The following GPR158 variants were observed in gnomAD, a reference collection of about 807,000 sequenced individuals.
GPR158 encodes G protein-coupled receptor 158, also known as metabotropic glycine receptor.
GPR158 carries 30 observed loss-of-function variants against 78.2 expected under a neutral mutation model. The ratio of observed to expected loss-of-function variants is 0.38; its 90% CI spans 0.29 to 0.52. GPR158 has a LOEUF of 0.52. GPR158 is among the 20% of genes least tolerant of loss of function. The probability of loss-of-function intolerance (pLI) is 0.83; values close to 1 mark genes in which losing one functional copy is unlikely to be tolerated. For missense variants in GPR158, 1,463 were observed against 1,523.5 expected (o/e 0.96, Z 0.66); for synonymous variants, 581 against 591.1 (o/e 0.98, Z 0.25).
chr10:25,319,338 C>T (rs535090799), intron 2 of GPR158, among the ~76,000 whole-genome samples: 1 of 152,264 alleles, frequency 6.6e-6, no homozygotes, highest in South Asian at 2.1e-4. Context: ...AGAGGCCTGA[C>T]CCACTAGACT....
chr10:25,268,984 T>A (rs1854080465), intron 2 of GPR158, among the ~76,000 whole-genome samples: 1 of 152,224 alleles, frequency 6.6e-6, no homozygotes, highest in Non-Finnish European at 1.5e-5. Context: ...AAGCAATTAC[T>A]TGTGCCTTTA....
chr10:25,302,803 T>C (rs1407209315), intron 2 of GPR158, among the ~76,000 whole-genome samples: 2 of 152,188 alleles, frequency 1.3e-5, no homozygotes, highest in African/African-American at 4.8e-5. Flanking sequence ...GAGCTGTCTC[T>C]TATGGTAGCT....
At chr10:25,369,410 C>T (rs1483771696) in intron 2 of GPR158, among the ~76,000 whole-genome samples, 1 of 149,632 alleles carries the variant, frequency 6.7e-6, no homozygotes, top group African/African-American at 2.5e-5. Flanking sequence ...GCTTTTTCTG[C>T]ATCTATTGAG....
intron 3 of GPR158, among the ~76,000 whole-genome samples, chr10:25,403,580 G>C (rs1205755479): frequency 6.6e-6 from 1 of 152,076 alleles, no homozygotes; most frequent in East Asian, 1.9e-4. Context: ...TTGGCATTCT[G>C]TGCATGGAGG....
intron 4 of GPR158, among the ~76,000 whole-genome samples, chr10:25,427,065 T>G (rs1180546099): frequency 6.6e-6 from 1 of 152,122 alleles, no homozygotes; most frequent in Non-Finnish European, 1.5e-5. Flanking sequence ...GCACTAACTT[T>G]GTCTTTTTGT....
Position 25,417,003 on chromosome 10 carries a change from G to C in GPR158, c.1335+4530G>C, listed in dbSNP as rs76074574. Among the ~76,000 whole-genome samples the C allele has an allele frequency of 1.8e-3, 276 of 152,102 alleles. 2 individuals are homozygous for C. In the East Asian group the frequency reaches 0.029, roughly 16 times the overall value. On this transcript the variant is annotated intron_variant, in intron 4 of 10. Coordinates refer to ENST00000376351, the MANE Select transcript of GPR158 (RefSeq NM_020752.3). ...TGCCAGCAGGAAGGGCTTTCCTGGAGTTTTCTAGTAGCAGTGCAAATGGGA... is the reference window on the plus strand; with the variant it reads ...TGCCAGCAGGAAGGGCTTTCCTGGACTTTTCTAGTAGCAGTGCAAATGGGA...
At chr10:25,258,332 C>T (rs991896917) in intron 2 of GPR158, among the ~76,000 whole-genome samples, 4 of 152,302 alleles carry the variant, frequency 2.6e-5, no homozygotes, top group South Asian at 2.1e-4. Flanking sequence ...CATAAATAAT[C>T]TGACATATTC....
chr10:25,457,285 C>T (rs975343182), intron 4 of GPR158, among the ~76,000 whole-genome samples: 3 of 151,534 alleles, frequency 2.0e-5, no homozygotes, highest in East Asian at 1.9e-4. Flanking sequence ...TGAGCCACTG[C>T]GTCTGGCCTG....
In GPR158 at chr10:25,549,120, T is replaced by C. The variant is rs150608019; in HGVS notation, c.1405-1856T>C. 6.2e-4 allele frequency among the ~76,000 whole-genome samples: 94 copies of C among 152,300 alleles called. 1 individual carries two copies. In the East Asian group the frequency reaches 0.013, roughly 20 times the overall value. ...TGTTTCAGAAGAATTTCTATGGCCATTTCTAGTGGAAATATTTGAGATTTT... is the reference window on the plus strand; with the variant it reads ...TGTTTCAGAAGAATTTCTATGGCCACTTCTAGTGGAAATATTTGAGATTTT... On this transcript the variant is annotated intron_variant, in intron 5 of 10. Coordinates refer to ENST00000376351, the MANE Select transcript of GPR158 (RefSeq NM_020752.3).
At chr10:25,428,950 G>T (rs960448826) in intron 4 of GPR158, among the ~76,000 whole-genome samples, 2 of 151,968 alleles carry the variant, frequency 1.3e-5, no homozygotes, top group Admixed American at 6.6e-5. Flanking sequence ...CTTCTTCGGA[G>T]CCTGTGAAAT....
Position 25,572,861 on chromosome 10 carries a change from A to G in GPR158, c.1727A>G (p.Asp576Gly), listed in dbSNP as rs199550844. The G allele has an allele frequency of 5.9e-4, 948 of 1,607,586 alleles. 6 individuals carry two copies. Among genetic ancestry groups the G allele is most frequent in the Non-Finnish European group, 8.4e-5 (99 of 1,174,062 alleles). ...DHLIFNMCLI[D>G]RWDYMTAVAE... ...CTCATCTTCAATATGTGCCTCATTG[A>G]CCGCTGGGACTACATGACAGCAGTT... Residue 576 changes from aspartate to glycine, a missense_variant, in exon 7 of 11, where the codon GAC (aspartate) becomes GGC (glycine). Physicochemically the swap from Asp to Gly is moderately conservative, Grantham distance 94 (BLOSUM62 -1). Transcript: ENST00000376351.
intron 4 of GPR158, among the ~76,000 whole-genome samples, chr10:25,458,055 AT>A (rs1341250090): frequency 6.6e-6 from 1 of 152,186 alleles, no homozygotes; most frequent in Admixed American, 6.5e-5. Flanking sequence ...TTAATTTTTT[AT>A]TTAGTGTGTC....
chr10:25,312,214 A>AG (rs1351052349), intron 2 of GPR158, among the ~76,000 whole-genome samples: 1 of 152,056 alleles, frequency 6.6e-6, no homozygotes, highest in African/African-American at 2.4e-5. Context: ...CTTAAAAGCC[A>AG]TTAGTATATA....
intron 2 of GPR158, among the ~76,000 whole-genome samples, chr10:25,311,187 A>G (rs1278209151): frequency 2.0e-5 from 3 of 151,688 alleles, no homozygotes; most frequent in East Asian, 1.9e-4. Context: ...TCATTTTTCC[A>G]TATGAACTTT....
At chr10:25,554,078 G>A (rs1836758007) in intron 6 of GPR158, among the ~76,000 whole-genome samples, 1 of 152,074 alleles carries the variant, frequency 6.6e-6, no homozygotes, top group African/African-American at 2.4e-5. Flanking sequence ...TCATTGGAAG[G>A]ATAGGGGGAA....
At chr10:25,448,298 G>C (rs910958232) in intron 4 of GPR158, among the ~76,000 whole-genome samples, 3 of 151,732 alleles carry the variant, frequency 2.0e-5, no homozygotes, top group African/African-American at 7.3e-5. Context: ...CACCGTGTTA[G>C]CCAGGATGGT....
chr10:25,521,389 C>T (rs1238255561), intron 5 of GPR158, among the ~76,000 whole-genome samples: 6 of 152,190 alleles, frequency 3.9e-5, no homozygotes, highest in Admixed American at 2.6e-4. Context: ...TGGCTCCTCC[C>T]TCCTCTATTG....
chr10:25,192,404 G>A (rs910696025), intron 1 of GPR158, among the ~76,000 whole-genome samples: 4 of 152,134 alleles, frequency 2.6e-5, no homozygotes, highest in Non-Finnish European at 4.4e-5. Context: ...GACTAATACA[G>A]TGTCTCTTGA....
chr10:25,309,268 T>G (rs1198840873), intron 2 of GPR158, among the ~76,000 whole-genome samples: 1 of 152,032 alleles, frequency 6.6e-6, no homozygotes, highest in East Asian at 1.9e-4. Flanking sequence ...TAAGGTGGTA[T>G]CTCATTGTGG....
Sources: gnomAD v4.1 joint callset for allele counts (sites outside exome capture counted in the v4.1 genomes callset) on GRCh38, gnomAD v4.1.1 for gene constraint, MANE v1.5 for transcripts, NCBI Gene and HGNC (gene_info 2026-07-23, HGNC 2026-07-21) for gene names.